The following PTK6 variants were observed in gnomAD, a reference collection of about 807,000 sequenced individuals.
The protein encoded by PTK6 is protein tyrosine kinase 6, also known as protein-tyrosine kinase 6.
A neutral mutation model predicts 47.5 loss-of-function variants in PTK6; 47 were observed. The observed-to-expected ratio is 0.99, with a 90% confidence interval of 0.78 to 1.26. The LOEUF (loss-of-function observed/expected upper bound fraction) is 1.26, where lower values mean the gene tolerates loss of function less well. Ranked by LOEUF, PTK6 falls within the 50% of genes most tolerant of loss-of-function variation. The pLI is 0.00. For synonymous variants in PTK6, 287 were observed against 276.5 expected (o/e 1.04, Z -0.38); for missense variants, 618 against 625.3 (o/e 0.99, Z 0.12).
intron 1 of PTK6, among the ~76,000 whole-genome samples, chr20:63,535,643 C>T (rs2082658796): frequency 6.6e-6 from 1 of 151,878 alleles, no homozygotes; most frequent in African/African-American, 2.4e-5. Flanking sequence ...CCTCAGGTCA[C>T]TGGAACACAA....
rs2082678794 is a variant in PTK6 at position 63,537,365 on chromosome 20, A to G, written c.-51T>C. On this transcript the variant is annotated 5_prime_UTR_variant, in exon 1 of 8. Coordinates refer to ENST00000542869, the MANE Select transcript of PTK6 (RefSeq NM_005975.4). Reference sequence around the variant, plus strand: ...AGGCTGTGGCCCAGCTGGAGCACCCAGAGCTGGGCGTGGCAGGCGGGCCGT... The same window carrying G: ...AGGCTGTGGCCCAGCTGGAGCACCCGGAGCTGGGCGTGGCAGGCGGGCCGT... 1 of 1,473,970 alleles carries G rather than the reference A, an allele frequency of 6.8e-7. No homozygotes were observed. The highest frequency in any genetic ancestry group is 1.4e-5 in the African/African-American group (1 of 71,638). The allele number at this position is 1,473,970 out of a possible 1,614,324, so 91.3% of individuals were successfully genotyped here. A position where few individuals can be genotyped will look rare whatever the true frequency, so the allele number is the denominator to read the frequency against.
chr20:63,537,025 C>G (rs971523408), intron 1 of PTK6, 60 bp downstream of exon 1: 10 of 1,510,160 alleles, frequency 6.6e-6, no homozygotes, highest in Non-Finnish European at 9.0e-6. Context: ...AGAGCCCTGT[C>G]CCTCCCCTGT....
rs1412645783 is a variant in PTK6, at chr20:63,530,462, G to A, written c.1015-231C>T. Among the ~76,000 whole-genome samples the A allele has an allele frequency of 6.6e-6, 1 of 152,226 alleles. No individual in the cohort carries two copies. The highest frequency in any genetic ancestry group is 1.5e-5 in the Non-Finnish European group (1 of 68,034). ...GGGACCGGAGGGCCCGGGGGACAGG[G>A]AACTGGGAGGCTCCCAGGCCGTCAG... On this transcript the variant is annotated intron_variant, in intron 6 of 7. Transcript: ENST00000542869. This position sits in a 1 kb window ranked among gnomAD's most constrained non-coding sequence, Gnocchi z 4.1.
intron 4 of PTK6, among the ~76,000 whole-genome samples, chr20:63,532,889 G>A (rs6011878): frequency 0.13 from 19,710 of 152,162 alleles, 4,058 homozygotes; most frequent in African/African-American, 0.44. Flanking sequence ...CCCCAGCCTG[G>A]CGTACCCACG....
At chr20:63,534,032 C>T (rs1472615849) in intron 3 of PTK6, 120 bp downstream of exon 3, 6 of 1,320,290 alleles carry the variant, frequency 4.5e-6, no homozygotes, top group African/African-American at 1.5e-5. Context: ...CTCCAGTGGG[C>T]CCCAGGTCAG....
chr20:63,531,433 AAAAAATAT>A lies in PTK6; in HGVS notation c.833-514_833-507del, dbSNP rs1367162423. 2.3e-3 allele frequency among the ~76,000 whole-genome samples: 270 copies of A among 115,446 alleles called. 2 individuals carry two copies. The highest frequency in any genetic ancestry group is 3.9e-3 in the Middle Eastern group (1 of 256). The allele number at this position is 115,446 out of a possible 152,430, so 75.7% of individuals were successfully genotyped here. A position where few individuals can be genotyped will look rare whatever the true frequency, so the allele number is the denominator to read the frequency against. On this transcript the variant is annotated intron_variant, in intron 5 of 7. Transcript: ENST00000542869. ...CAGACTCCGTCTCAAAAAAAAAAAAAAAAAATATATATATATATATATATATATATAAT... is the reference window on the plus strand; with the variant it reads ...CAGACTCCGTCTCAAAAAAAAAAAAAATATATATATATATATATATATAAT...
chr20:63,530,621 TG>T lies in PTK6; in HGVS notation c.1014+124del. The T allele has an allele frequency of 8.1e-7, 1 of 1,237,878 alleles. No individual in the cohort carries two copies. The highest frequency in any genetic ancestry group is 1.1e-6 in the Non-Finnish European group (1 of 905,976). The allele number at this position is 1,237,878 out of a possible 1,614,324, so 76.7% of individuals were successfully genotyped here. ...TGGCTTCCCACCTCCCTGCCCAGCC[TG>T]GGCTCCCGAGGGCAGGGGCCGCATC... On this transcript the variant is annotated intron_variant, in intron 6 of 7. Coordinates refer to ENST00000542869, the MANE Select transcript of PTK6 (RefSeq NM_005975.4). The surrounding 1 kb of genome is among the most constrained non-coding windows in gnomAD (Gnocchi z 4.1).
rs2082608739 is a variant in PTK6, at chr20:63,530,422, G to T, written c.1015-191C>A. Among the ~76,000 whole-genome samples the T allele has an allele frequency of 6.6e-6, 1 of 152,220 alleles. No homozygotes were observed. On this transcript the variant is annotated intron_variant, in intron 6 of 7. Coordinates refer to ENST00000542869, the MANE Select transcript of PTK6 (RefSeq NM_005975.4). The surrounding 1 kb of genome is among the most constrained non-coding windows in gnomAD (Gnocchi z 4.1). ...CCTTCAGGAGCCCAACTTCCCCTGG[G>T]ATTGCAGGTGTGTGGGGACCGGAGG...
rs1298873547 is a variant in PTK6 at position 63,530,013 on chromosome 20, G to A, written c.1168+65C>T. ...GGGGGAGGCACCCCCCAGCGTCCCT[G>A]CCGGCTACCCAGGACCTCCCCCACT... On this transcript the variant is annotated intron_variant, in intron 7 of 7. Coordinates refer to ENST00000542869, the MANE Select transcript of PTK6 (RefSeq NM_005975.4). This position sits in a 1 kb window ranked among gnomAD's most constrained non-coding sequence, Gnocchi z 4.1. 3.3e-5 allele frequency: 52 copies of A among 1,578,736 alleles called. No homozygotes were observed. Among genetic ancestry groups the A allele is most frequent in the Non-Finnish European group, 4.5e-5 (52 of 1,155,870 alleles).
rs1440408466 is a variant in PTK6 at position 63,533,713 on chromosome 20, A to C, written c.517-9T>G. ...AGGGGCTCAGGCTCGTGCTGGAGGAAGAGTCGGGGACACAGGGCAGGGGCT... is the reference window on the plus strand; with the variant it reads ...AGGGGCTCAGGCTCGTGCTGGAGGACGAGTCGGGGACACAGGGCAGGGGCT... On this transcript the variant is annotated splice_polypyrimidine_tract_variant and intron_variant, in intron 3 of 7. Coordinates refer to ENST00000542869, the MANE Select transcript of PTK6 (RefSeq NM_005975.4). The surrounding 1 kb of genome is among the most constrained non-coding windows in gnomAD (Gnocchi z 4.0). 1 of 1,609,682 alleles carries C rather than the reference A, an allele frequency of 6.2e-7. No homozygotes were observed. The highest frequency in any genetic ancestry group is 8.5e-7 in the Non-Finnish European group (1 of 1,178,224).
In PTK6 at chr20:63,530,173, G is replaced by A. The variant is rs368430973; in HGVS notation, c.1073C>T (p.Ala358Val). The A allele has an allele frequency of 4.2e-5, 67 of 1,613,964 alleles. 1 individual carries two copies. The highest frequency in any genetic ancestry group is 5.3e-5 in the Non-Finnish European group (62 of 1,179,990). The stretch of plus-strand genomic sequence containing the variant: ...GGTGGAGTAATGGCCTCGGGAGAGC[G>A]CTTCAGGGGCCGTCCACTTGTAGGG... ...NIPYKWTAPE[A>V]LSRGHYSTKS... Residue 358 changes from alanine to valine, a missense_variant, in exon 7 of 8, where the codon GCG (alanine) becomes GTG (valine). Ala to Val is a moderately conservative substitution (Grantham distance 64). Coordinates refer to ENST00000542869, the MANE Select transcript of PTK6 (RefSeq NM_005975.4). The surrounding 1 kb of genome is among the most constrained non-coding windows in gnomAD (Gnocchi z 4.1).
At chr20:63,532,457 G>C in intron 5 of PTK6, 69 bp downstream of exon 5, 1 of 1,514,924 alleles carries the variant, frequency 6.6e-7, no homozygotes, top group South Asian at 1.2e-5. Flanking sequence ...ACGTGGGGGG[G>C]GGGTGTGCAC....
chr20:63,533,603 G>A lies in PTK6; in HGVS notation c.618C>T (p.Phe206=), dbSNP rs61736391. 255 of 1,613,578 alleles carry A rather than the reference G, an allele frequency of 1.6e-4. 1 individual carries two copies. Among genetic ancestry groups the A allele is most frequent in the Middle Eastern group, 1.5e-3 (9 of 6,082 alleles). ...GGACCCGGTCTTTCCAGAGCCCCTC[G>A]AAGACCTCCCCAAAGTAGCCGGACC... ...KLGSGYFGEV[F]EGLWKDRVQV... Residue 206 remains phenylalanine (F), a synonymous_variant, in exon 4 of 8, where the codon TTC becomes TTT. Coordinates refer to ENST00000542869, the MANE Select transcript of PTK6 (RefSeq NM_005975.4). The surrounding 1 kb of genome is among the most constrained non-coding windows in gnomAD (Gnocchi z 4.0).
rs1458288266 is a variant in PTK6 at position 63,530,335 on chromosome 20, A to G, written c.1015-104T>C. The G allele has an allele frequency of 4.8e-6, 7 of 1,445,506 alleles. No individual in the cohort carries two copies. Among genetic ancestry groups the G allele is most frequent in the Non-Finnish European group, 6.6e-6 (7 of 1,054,594 alleles). 89.5% of individuals were successfully genotyped at this position (1,445,506 alleles called of 1,614,324 possible). ...GCATTGCCCCAGCAGTGGGACGGTG[A>G]TGACCCCACTGTCTGACCCACGCAC... On this transcript the variant is annotated intron_variant, in intron 6 of 7. Transcript: ENST00000542869. This position sits in a 1 kb window ranked among gnomAD's most constrained non-coding sequence, Gnocchi z 4.1.
chr20:63,534,896 A>T, intron 2 of PTK6, 42 bp downstream of exon 2: 1 of 1,560,898 alleles, frequency 6.4e-7, no homozygotes, highest in Non-Finnish European at 8.7e-7. Flanking sequence ...TAGAGCCAGG[A>T]GCCCCCGCAG....
chr20:63,533,668 C>G lies in PTK6; in HGVS notation c.553G>C (p.Glu185Gln), dbSNP rs772714640. Residue 185 changes from glutamate to glutamine, a missense_variant, in exon 4 of 8, where the codon GAG becomes CAG. Transcript: ENST00000542869. This position sits in a 1 kb window ranked among gnomAD's most constrained non-coding sequence, Gnocchi z 4.0. ...AGCGTGAACTCCTCCCTCGGCCTCT[C>G]CCAGTCATCCCAATGGGGCAGGGGC... ...PEPLPHWDDW[E>Q]RPREEFTLCR... 3.0e-5 allele frequency: 48 copies of G among 1,613,794 alleles called. No individual in the cohort carries two copies. Among genetic ancestry groups the G allele is most frequent in the Non-Finnish European group, 4.0e-5 (47 of 1,179,924 alleles).
Position 63,529,665 on chromosome 20 carries a change from AG to A in PTK6, c.1226del (p.Pro409LeufsTer11). 1 of 1,546,772 alleles carries A rather than the reference AG, an allele frequency of 6.5e-7. No homozygotes were observed. Among genetic ancestry groups the A allele is most frequent in the Non-Finnish European group, 8.7e-7 (1 of 1,145,898 alleles). ...TGTGCACGCTGGGCGGGCACTCCAG[AG>A]GGCAGGGCATGCGGTAGCCGGCGTC... Reference protein sequence around the residue: ...RVDAGYRMPCPLECPPSVHKL... With the variant: ...RVDAGYRMPCXLECPPSVHKL... On this transcript the variant is annotated frameshift_variant, in exon 8 of 8. Transcript: ENST00000542869. LOFTEE classifies it low-confidence loss of function (END_TRUNC). The surrounding 1 kb of genome is among the most constrained non-coding windows in gnomAD (Gnocchi z 5.6).
At chr20:63,531,899 C>G (rs954513889) in intron 5 of PTK6, among the ~76,000 whole-genome samples, 2 of 152,214 alleles carry the variant, frequency 1.3e-5, no homozygotes, top group African/African-American at 4.8e-5. Flanking sequence ...GGGTACGGAG[C>G]CTTTCGCTCA....
At position 63,530,728 on chromosome 20, in the gene PTK6, G is replaced by A. The variant is rs1017959331; in HGVS notation, c.1014+18C>T. On this transcript the variant is annotated intron_variant, in intron 6 of 7. Transcript: ENST00000542869. The surrounding 1 kb of genome is among the most constrained non-coding windows in gnomAD (Gnocchi z 4.1). ...ACGCCCCGGCCACGACCCCAGCCAC[G>A]CCCTCTGAGGGCCCTACCTTGATAA... 10 of 1,612,002 alleles carry A rather than the reference G, an allele frequency of 6.2e-6. No individual in the cohort carries two copies. Among genetic ancestry groups the A allele is most frequent in the African/African-American group, 2.7e-5 (2 of 74,886 alleles).
Sources: gnomAD v4.1 joint callset for allele counts (sites outside exome capture counted in the v4.1 genomes callset) on GRCh38, gnomAD v4.1.1 for gene constraint, Gnocchi (gnomAD v3.1) non-coding constraint, MANE v1.5 for transcripts, NCBI Gene and HGNC (gene_info 2026-07-23, HGNC 2026-07-21) for gene names.